ROBO2: variants seen among roughly 807,000 people sequenced by gnomAD.
ROBO2 encodes roundabout homolog 2.
In ROBO2, 53 loss-of-function variants were observed where a neutral mutation model predicts 160.8. The observed-to-expected ratio is 0.33, with a 90% CI of 0.26 to 0.41. The LOEUF (loss-of-function observed/expected upper bound fraction) is 0.41, where lower values mean the gene tolerates loss of function less well. Among genes scored for constraint, ROBO2 ranks in the 10% least tolerant of loss-of-function variants. ROBO2 has a pLI of 1.00. For synonymous variants in ROBO2, 664 were observed against 611.7 expected, an observed-to-expected ratio of 1.09 and a Z score of -1.26; for missense variants, 1,577 against 1,722.4, an observed-to-expected ratio of 0.92 and a Z score of 1.49.
chr3:76,835,470 A>G (rs2067604306), intron 2 of ROBO2, among the ~76,000 whole-genome samples: 1 of 149,052 alleles, frequency 6.7e-6, no homozygotes, highest in African/African-American at 2.4e-5. Context: ...ACATATGTGC[A>G]AACACAATAA....
At chr3:76,345,062 C>A (rs1047244988) in intron 2 of ROBO2, among the ~76,000 whole-genome samples, 1 of 152,048 alleles carries the variant, frequency 6.6e-6, no homozygotes, top group Non-Finnish European at 1.5e-5. Flanking sequence ...AGCGCCACTG[C>A]CTTTTGTGAT....
chr3:75,907,355 G>T (rs1946391332), intron 1 of ROBO2, among the ~76,000 whole-genome samples: 1 of 152,106 alleles, frequency 6.6e-6, no homozygotes, highest in African/African-American at 2.4e-5. Context: ...GAAGCAGAAG[G>T]TCTGGGCACA....
At chr3:76,663,226 G>A (rs1324152987) in intron 2 of ROBO2, among the ~76,000 whole-genome samples, 2 of 152,146 alleles carry the variant, frequency 1.3e-5, no homozygotes, top group African/African-American at 4.8e-5. Flanking sequence ...CTGAGTATTG[G>A]TACCATCAAC....
chr3:77,429,733 A>G (rs1278397478), intron 2 of ROBO2, among the ~76,000 whole-genome samples: 2 of 151,906 alleles, frequency 1.3e-5, no homozygotes, highest in African/African-American at 2.4e-5. Context: ...TGTGATCACA[A>G]TCTGTGATCA....
chr3:76,135,595 C>A (rs913759079), intron 2 of ROBO2, among the ~76,000 whole-genome samples: 1 of 151,994 alleles, frequency 6.6e-6, no homozygotes, highest in Non-Finnish European at 1.5e-5. Context: ...TCACAATTAC[C>A]CTAGAGGAAT....
chr3:76,732,869 G>T (rs2093657025), intron 2 of ROBO2, among the ~76,000 whole-genome samples: 1 of 151,776 alleles, frequency 6.6e-6, no homozygotes, highest in South Asian at 2.1e-4. Flanking sequence ...AGAATGTGAG[G>T]TTTATGATGA....
chr3:76,625,534 A>AT (rs984971655), intron 2 of ROBO2, among the ~76,000 whole-genome samples: 49 of 152,132 alleles, frequency 3.2e-4, no homozygotes, highest in African/African-American at 1.1e-3. Context: ...GGAAAAAAAA[A>AT]ATATCAAAAA....
rs918421000 is a variant in ROBO2 at position 76,937,914 on chromosome 3, G to A, written c.110-160100G>A. 3.9e-5 allele frequency among the ~76,000 whole-genome samples: 6 copies of A among 152,126 alleles called. No individual in the cohort carries two copies. In the East Asian group the frequency reaches 9.6e-4, roughly 24 times the overall value. ...TATTCGGGAATATTCACTTAGAACC[G>A]TATCTTGTTCTGTTTGGAATATTAA... On this transcript the variant is annotated intron_variant, in intron 2 of 26. Transcript: ENST00000487694.
At chr3:76,902,183 C>A (rs2075286300) in intron 2 of ROBO2, among the ~76,000 whole-genome samples, 1 of 151,898 alleles carries the variant, frequency 6.6e-6, no homozygotes, top group Non-Finnish European at 1.5e-5. Context: ...TATTGGTGGA[C>A]ATTTCTTTAT....
chr3:76,956,078 T>C (rs1464938619), intron 2 of ROBO2, among the ~76,000 whole-genome samples: 1 of 152,120 alleles, frequency 6.6e-6, no homozygotes, highest in East Asian at 1.9e-4. Flanking sequence ...CTTTACGCCC[T>C]CCAGACTTAA....
At chr3:77,509,191 T>C (rs1240965171) in intron 5 of ROBO2, among the ~76,000 whole-genome samples, 4 of 151,964 alleles carry the variant, frequency 2.6e-5, no homozygotes, top group Non-Finnish European at 5.9e-5. Context: ...ATCTCTGAGC[T>C]GATGAAGGTT....
At chr3:76,488,338 C>T (rs2079613310) in intron 2 of ROBO2, among the ~76,000 whole-genome samples, 1 of 152,098 alleles carries the variant, frequency 6.6e-6, no homozygotes, top group Non-Finnish European at 1.5e-5. Flanking sequence ...GAATTTAGTT[C>T]CCTGTGGCTG....
chr3:76,927,343 A>G (rs1238953892), intron 2 of ROBO2, among the ~76,000 whole-genome samples: 1 of 152,198 alleles, frequency 6.6e-6, no homozygotes, highest in African/African-American at 2.4e-5. Context: ...CATTTTTCAC[A>G]GTGGATTCTT....
chr3:76,518,676 C>A (rs374421318), intron 2 of ROBO2, among the ~76,000 whole-genome samples: 2 of 152,208 alleles, frequency 1.3e-5, no homozygotes, highest in East Asian at 3.9e-4. Context: ...TAGTTCACAT[C>A]TTTATTTGTG....
intron 2 of ROBO2, among the ~76,000 whole-genome samples, chr3:76,967,524 T>C (rs1385222783): frequency 6.9e-6 from 1 of 145,902 alleles, no homozygotes; most frequent in Non-Finnish European, 1.5e-5. Context: ...TTTTTTTTTT[T>C]TTTTTTTTTT....
At chr3:75,907,765 A>C (rs374316114) in intron 1 of ROBO2, among the ~76,000 whole-genome samples, 13 of 152,246 alleles carry the variant, frequency 8.5e-5, no homozygotes, top group Admixed American at 5.9e-4. Flanking sequence ...TGATAGAGAA[A>C]TTCTGGGCGT....
intron 2 of ROBO2, among the ~76,000 whole-genome samples, chr3:76,117,343 C>T (rs565734116): frequency 1.7e-3 from 257 of 152,274 alleles, no homozygotes; most frequent in Non-Finnish European, 2.9e-3. Context: ...AAATTGACCT[C>T]TTTTAAGTCT....
intron 2 of ROBO2, chr3:77,316,677 AT>A (rs2064026548): frequency 1.5e-5 from 11 of 711,488 alleles, no homozygotes; most frequent in Non-Finnish European, 2.8e-5. Flanking sequence ...GTCATACAAT[AT>A]TAAAAGGTAC....
At chr3:76,444,553 C>A (rs1309258723) in intron 2 of ROBO2, among the ~76,000 whole-genome samples, 1 of 152,026 alleles carries the variant, frequency 6.6e-6, no homozygotes, top group African/African-American at 2.4e-5. Flanking sequence ...TCTTCTTGCA[C>A]CTTCTTCACT....
Sources: allele counts gnomAD v4.1 joint callset (sites outside exome capture counted in the v4.1 genomes callset), GRCh38; gene constraint gnomAD v4.1.1; transcripts MANE v1.5; gene names NCBI Gene and HGNC (gene_info 2026-07-23, HGNC 2026-07-21).